HRNR: variants seen among roughly 807,000 people sequenced by gnomAD.
HRNR encodes the protein filaggrin family member 3.
Under a neutral mutation model 4.8 loss-of-function variants are expected in HRNR, and 7 were observed. That is an observed-to-expected ratio of 1.47 (90% confidence interval 0.83 to 2.75). The LOEUF (loss-of-function observed/expected upper bound fraction) is 2.75. Among genes scored for constraint, HRNR ranks in the 30% most tolerant of loss-of-function variants. The pLI is 0.00. For synonymous variants in HRNR, 1,023 were observed against 1,242.7 expected, an observed-to-expected ratio of 0.82 and a Z score of 3.72; for missense variants, 2,879 against 3,010.4, an observed-to-expected ratio of 0.96 and a Z score of 1.02.
rs200577759 is a variant in HRNR, at chr1:152,218,895, C to T, written c.2734G>A (p.Gly912Ser). ...CCACTGCTGGAAGACCGACCGGAGC[C>T]AGACCCATGTCGGCCATAGCTGGGA... ...QSPSYGRHGS[G>S]SGRSSSSGRH... is the part of the protein sequence containing the mutation. Residue 912 changes from glycine to serine, a missense_variant, in exon 3 of 3, where the codon GGC (glycine) becomes AGC (serine). By Grantham distance (56) the Gly-to-Ser change is moderately conservative. Transcript: ENST00000368801. 5.0e-6 allele frequency: 8 copies of T among 1,613,986 alleles called. No individual in the cohort carries two copies. Among genetic ancestry groups the T allele is most frequent in the East Asian group, 2.2e-5 (1 of 44,868 alleles).
In HRNR at chr1:152,213,091, G is replaced by T. The variant is rs1346378804; in HGVS notation, c.8538C>A (p.Cys2846Ter). The T allele has an allele frequency of 2.5e-6, 4 of 1,612,350 alleles. No homozygotes were observed. Among genetic ancestry groups the T allele is most frequent in the Non-Finnish European group, 3.4e-6 (4 of 1,179,126 alleles). Residue 2846 changes from cysteine to a stop codon, truncating the protein, a stop_gained, in exon 3 of 3, where the codon TGC (cysteine) becomes TGA (stop). Coordinates refer to ENST00000368801, the MANE Select transcript of HRNR (RefSeq NM_001009931.3). LOFTEE classifies it high-confidence loss of function. ...TGTTTATTATTCACTGATAAAAGTA[G>T]CACCTCTGCTCTTGGACATATTCAT... ...SPYEYVQEQR[C>*]YFYQ is the part of the protein sequence containing the mutation.
In HRNR at chr1:152,218,917, G is replaced by C. The variant is rs1369841835; in HGVS notation, c.2712C>G (p.Pro904=). ...GQRGSGSGQS[P]SYGRHGSGSG... The stretch of plus-strand genomic sequence containing the variant: ...AGCCAGACCCATGTCGGCCATAGCT[G>C]GGAGACTGCCCTGACCCAGACCCAC... Residue 904 remains proline (P), a synonymous_variant, in exon 3 of 3, where the codon CCC becomes CCG. Transcript: ENST00000368801. 7 of 1,613,216 alleles carry C rather than the reference G, an allele frequency of 4.3e-6. No homozygotes were observed. Among genetic ancestry groups the C allele is most frequent in the Non-Finnish European group, 5.9e-6 (7 of 1,179,830 alleles).
At position 152,218,462 on chromosome 1, in the gene HRNR, C is replaced by A; in HGVS notation, c.3167G>T (p.Arg1056Leu). Residue 1056 changes from arginine (R) to leucine (L), a missense_variant, in exon 3 of 3, where the codon CGC becomes CTC. By Grantham distance (102) the Arg-to-Leu change is moderately radical. Transcript: ENST00000368801. ...HSSGLGHRES[R>L]SGQSSGYGQH... is the part of the protein sequence containing the mutation. The stretch of plus-strand genomic sequence containing the variant: ...ACCGTAGCCAGAGGACTGTCCTGAG[C>A]GAGACTCTCGGTGACCTAAGCCAGA... 1 of 1,613,192 alleles carries A rather than the reference C, an allele frequency of 6.2e-7. No homozygotes were observed. The highest frequency in any genetic ancestry group is 1.1e-5 in the South Asian group (1 of 91,024).
In HRNR at chr1:152,219,359, G is replaced by C. The variant is rs149564910; in HGVS notation, c.2270C>G (p.Ser757Trp). The stretch of plus-strand genomic sequence containing the variant: ...GTGGCCCGAAGATTGATGGGAGCCC[G>C]ACCCATGCTGACCATAGCTGGAAGA... The part of the protein sequence containing the change: ...GLSSSYGQHG[S>W]GSHQSSGHGR... The change falls in exon 3 of 3, where the codon TCG becomes TGG. Residue 757 changes from serine to tryptophan, a missense_variant. Transcript: ENST00000368801. 3 of 1,613,872 alleles carry C rather than the reference G, an allele frequency of 1.9e-6. No individual in the cohort carries two copies. Among genetic ancestry groups the C allele is most frequent in the African/African-American group, 1.3e-5 (1 of 74,830 alleles).
At position 152,221,505 on chromosome 1, in the gene HRNR, G is replaced by A; in HGVS notation, c.139-15C>T. On this transcript the variant is annotated splice_polypyrimidine_tract_variant and intron_variant, in intron 2 of 2. Coordinates refer to ENST00000368801, the MANE Select transcript of HRNR (RefSeq NM_001009931.3). ...TCGTTTGGATTCTGTATAAGAGAAA[G>A]GTACAAAGAGTAGCTCTGTTAGTAT... 1.9e-6 allele frequency: 3 copies of A among 1,556,304 alleles called. No individual in the cohort carries two copies. The highest frequency in any genetic ancestry group is 2.6e-6 in the Non-Finnish European group (3 of 1,147,150).
Position 152,218,965 on chromosome 1 carries a change from G to A in HRNR, c.2664C>T (p.Gly888=). ...CACGCTGGCCGTGGCCTGGAGACTG[G>A]CCAGATCCAGAGCCATGTCGGCCGC... is the stretch of plus-strand genomic sequence containing the variant. ...SGRGRHGSGS[G]QSPGHGQRGS... Residue 888 remains glycine, a synonymous_variant, in exon 3 of 3, where the codon GGC becomes GGT. Transcript: ENST00000368801. The A allele has an allele frequency of 6.2e-7, 1 of 1,613,772 alleles. No homozygotes were observed. The highest frequency in any genetic ancestry group is 8.5e-7 in the Non-Finnish European group (1 of 1,179,926).
In HRNR at chr1:152,219,919, G is replaced by C; in HGVS notation, c.1710C>G (p.Ser570Arg). The part of the protein sequence containing the change: ...PHGYGSGRSS[S>R]RGPYESGSGH... ...CGGAGCCAGACTCATATGGGCCACG[G>C]CTTGAAGACCTCCCTGAGCCATACC... The change falls in exon 3 of 3, where the codon AGC becomes AGG. Residue 570 changes from serine (S) to arginine (R), a missense_variant. This residue lies in a region of HRNR where 2,646 missense variants were observed against 1,377.7 expected (regional missense o/e 1.92). Coordinates refer to ENST00000368801, the MANE Select transcript of HRNR (RefSeq NM_001009931.3). 6.2e-7 allele frequency: 1 copy of C among 1,613,754 alleles called. No homozygotes were observed. The highest frequency in any genetic ancestry group is 8.5e-7 in the Non-Finnish European group (1 of 1,179,938).
intron 2 of HRNR, 25 bp from the exon 3 acceptor site, chr1:152,221,515 G>A (rs747227994): frequency 2.1e-5 from 32 of 1,519,412 alleles, no homozygotes; most frequent in Non-Finnish European, 2.9e-5. Context: ...GGTACAAAGA[G>A]TAGCTCTGTT....
chr1:152,221,564 G>T, intron 2 of HRNR, 74 bp from the exon 3 acceptor site: 6 of 1,157,064 alleles, frequency 5.2e-6, no homozygotes, highest in Non-Finnish European at 6.2e-6. Flanking sequence ...CTGAAGGAAA[G>T]ATGTGAAAAT....
rs774902217 is a variant in HRNR at position 152,218,744 on chromosome 1, G to T, written c.2885C>A (p.Ser962Tyr). Residue 962 changes from serine to tyrosine, a missense_variant, in exon 3 of 3, where the codon TCT becomes TAT. Coordinates refer to ENST00000368801, the MANE Select transcript of HRNR (RefSeq NM_001009931.3). Reference sequence around the variant, plus strand: ...GCTCCTAGATGACTGTCCTGACCTAGAGCCGTGTTGTTCGTAGCTGGAGGA... The same window carrying T: ...GCTCCTAGATGACTGTCCTGACCTATAGCCGTGTTGTTCGTAGCTGGAGGA... ...GHSSSYEQHGSRSGQSSRSEQ... is the reference protein window; with the variant it reads ...GHSSSYEQHGYRSGQSSRSEQ... The T allele has an allele frequency of 3.1e-6, 5 of 1,613,972 alleles. No individual in the cohort carries two copies. Among genetic ancestry groups the T allele is most frequent in the Non-Finnish European group, 4.2e-6 (5 of 1,180,016 alleles).
At position 152,221,254 on chromosome 1, in the gene HRNR, G is replaced by A; in HGVS notation, c.375C>T (p.Ser125=). The A allele has an allele frequency of 1.9e-6, 3 of 1,614,060 alleles. No individual in the cohort carries two copies. The highest frequency in any genetic ancestry group is 2.5e-6 in the Non-Finnish European group (3 of 1,180,026). Residue 125 remains serine, a synonymous_variant, in exon 3 of 3, where the codon TCC becomes TCT. Transcript: ENST00000368801. ...TEKEENKRQE[S]SFSHSSWSAG... is the part of the protein sequence containing the mutation. ...CACTCCAACTTGAATGACTAAAAGA[G>A]GATTCTTGCCGTTTGTTCTCCTCTT...
In HRNR at chr1:152,213,004, C is replaced by T; in HGVS notation, c.*72G>A. 2 of 1,537,642 alleles carry T rather than the reference C, an allele frequency of 1.3e-6. No individual in the cohort carries two copies. Among genetic ancestry groups the T allele is most frequent in the Non-Finnish European group, 1.7e-6 (2 of 1,143,914 alleles). On this transcript the variant is annotated 3_prime_UTR_variant, in exon 3 of 3. Coordinates refer to ENST00000368801, the MANE Select transcript of HRNR (RefSeq NM_001009931.3). ...ATTTCATGATGGATTGCTTGTCTTT[C>T]ATGATGAATTCATAGATGACTTTCC... is the stretch of plus-strand genomic sequence containing the variant.
chr1:152,221,481 C>T lies in HRNR; in HGVS notation c.148G>A (p.Asp50Asn), dbSNP rs763238586. 2.1e-5 allele frequency: 34 copies of T among 1,596,082 alleles called. No individual in the cohort carries two copies. The highest frequency in any genetic ancestry group is 1.0e-4 in the Admixed American group (6 of 58,412). The change falls in exon 3 of 3, where the codon GAT becomes AAT. Residue 50 changes from aspartate to asparagine, a missense_variant. By Grantham distance (23) the Asp-to-Asn change is conservative. Coordinates refer to ENST00000368801, the MANE Select transcript of HRNR (RefSeq NM_001009931.3). ...EFHQILKNPN[D>N]PDTVDIILQS... ...AAGATGATATCCACAGTATCTGGAT[C>T]GTTTGGATTCTGTATAAGAGAAAGG...
At chr1:152,223,340 A>G in intron 1 of HRNR, 62 bp from the exon 2 acceptor site, 1 of 949,856 alleles carries the variant, frequency 1.1e-6, no homozygotes, top group Non-Finnish European at 1.6e-6. Flanking sequence ...TAAACACATA[A>G]ATAGTTCTAA....
Position 152,220,240 on chromosome 1 carries a change from A to G in HRNR, c.1389T>C (p.Ser463=), listed in dbSNP as rs147586610. 4.8e-5 allele frequency: 78 copies of G among 1,613,502 alleles called. No homozygotes were observed. The highest frequency in any genetic ancestry group is 5.8e-5 in the Non-Finnish European group (69 of 1,179,688). ...GPYVSGSGYS[S]GFGHHESSSE... ...AGCTAGACTCGTGGTGACCAAAGCC[A>G]GAAGAGTAGCCTGAACCAGACACAT... The change falls in exon 3 of 3, where the codon TCT becomes TCC. Residue 463 remains serine (S), a synonymous_variant. Transcript: ENST00000368801.
Position 152,212,931 on chromosome 1 carries a change from A to T in HRNR, c.*145T>A. On this transcript the variant is annotated 3_prime_UTR_variant, in exon 3 of 3. Coordinates refer to ENST00000368801, the MANE Select transcript of HRNR (RefSeq NM_001009931.3). ...ATAACAAGATATATGCTACAGTTTT[A>T]GGCTCTAAAGAAAGAGACAGAAATG... The T allele has an allele frequency of 2.7e-6, 3 of 1,105,734 alleles. No homozygotes were observed. Among genetic ancestry groups the T allele is most frequent in the Non-Finnish European group, 3.8e-6 (3 of 789,138 alleles). 68.5% of individuals were successfully genotyped at this position (1,105,734 alleles called of 1,614,324 possible). A position where few individuals can be genotyped will look rare whatever the true frequency, so the allele number is the denominator to read the frequency against.
chr1:152,220,329 C>G lies in HRNR; in HGVS notation c.1300G>C (p.Gly434Arg), dbSNP rs145543456. ...TGTTGGCCGGAGCTGGGAGACTGCC[C>G]TGACCCAGACCCACGCTGGCCGTGG... ...PGHGQRGSGS[G>R]QSPSSGQHGT... Residue 434 changes from glycine (G) to arginine (R), a missense_variant, in exon 3 of 3, where the codon GGG becomes CGG. Around this residue, in one of 8 missense-constraint regions of HRNR, gnomAD observed 2,646 missense variants for 1,377.7 expected, o/e 1.92. Coordinates refer to ENST00000368801, the MANE Select transcript of HRNR (RefSeq NM_001009931.3). 1.6e-4 allele frequency: 264 copies of G among 1,613,258 alleles called. 1 individual carries two copies. Among genetic ancestry groups the G allele is most frequent in the Non-Finnish European group, 2.0e-4 (236 of 1,179,766 alleles).
Position 152,221,033 on chromosome 1 carries a change from G to T in HRNR, c.596C>A (p.Ser199Ter). 6.2e-7 allele frequency: 1 copy of T among 1,613,552 alleles called. No homozygotes were observed. Among genetic ancestry groups the T allele is most frequent in the South Asian group, 1.1e-5 (1 of 91,016 alleles). Residue 199 changes from serine (S) to a stop codon, truncating the protein, a stop_gained, in exon 3 of 3, where the codon TCA becomes TAA. Coordinates refer to ENST00000368801, the MANE Select transcript of HRNR (RefSeq NM_001009931.3). LOFTEE classifies it low-confidence loss of function (END_TRUNC). The part of the protein sequence containing the change: ...SSGRGQCGSG[S>*]GQSPNYGQHG... The stretch of plus-strand genomic sequence containing the variant: ...TTGGCCATAGTTGGGAGACTGCCCT[G>T]ACCCAGACCCACATTGGCCGCGGCC...
In HRNR at chr1:152,219,200, C is replaced by G. The variant is rs777793957; in HGVS notation, c.2429G>C (p.Gly810Ala). ...CSSSCGHYES[G>A]SGQASGFGQH... The stretch of plus-strand genomic sequence containing the variant: ...CCCAAAACCAGAAGCCTGGCCTGAG[C>G]CAGACTCATAATGGCCACAGCTGGA... The change falls in exon 3 of 3, where the codon GGC becomes GCC. Residue 810 changes from glycine (G) to alanine (A), a missense_variant. Coordinates refer to ENST00000368801, the MANE Select transcript of HRNR (RefSeq NM_001009931.3). 3.1e-6 allele frequency: 5 copies of G among 1,613,860 alleles called. 1 individual carries two copies. In the South Asian group the frequency reaches 3.3e-5, roughly 11 times the overall value.
Sources: allele counts gnomAD v4.1 joint callset, GRCh38; gene constraint gnomAD v4.1.1; regional missense constraint gnomAD v4.1.1; transcripts MANE v1.5; gene names NCBI Gene and HGNC (gene_info 2026-07-23, HGNC 2026-07-21).